Variants in CACNG2 observed in about 807,000 individuals in gnomAD.
CACNG2 encodes the protein voltage-dependent calcium channel gamma-2 subunit.
In CACNG2, 3 loss-of-function variants were observed where a neutral mutation model predicts 25.9. That is an observed-to-expected ratio of 0.12 (90% CI 0.05 to 0.30). The LOEUF is 0.30. CACNG2 is among the 10% of genes least tolerant of loss of function. The probability of loss-of-function intolerance (pLI) is 1.00; values close to 1 mark genes in which losing one functional copy is unlikely to be tolerated. For missense variants in CACNG2, 341 were observed against 432.5 expected (o/e 0.79, Z 1.88); for synonymous variants, 167 against 173.3 (o/e 0.96, Z 0.29).
rs1937438365 is a variant in CACNG2 at position 36,703,361 on chromosome 22, G to A, written c.-785C>T. 1.3e-5 allele frequency: 2 copies of A among 153,152 alleles called. No homozygotes were observed. Among genetic ancestry groups the A allele is most frequent in the South Asian group, 3.6e-4 (2 of 5,624 alleles). The allele number at this position is 153,152 out of a possible 1,614,324, so 9.5% of individuals were successfully genotyped here. A position where few individuals can be genotyped will look rare whatever the true frequency, so the allele number is the denominator to read the frequency against. ...GGGGTAGTGTTGGCGAAGTGGGGGA[G>A]AGAGGGGGTTTCTCCTGGAGAATCG... On this transcript the variant is annotated 5_prime_UTR_variant, in exon 1 of 4. Transcript: ENST00000300105.
At chr22:36,636,050 G>A (rs1292056778) in intron 1 of CACNG2, among the ~76,000 whole-genome samples, 4 of 152,026 alleles carry the variant, frequency 2.6e-5, no homozygotes, top group Admixed American at 1.3e-4. Flanking sequence ...CAGGCAGTTC[G>A]AGATCAAATC....
intron 1 of CACNG2, among the ~76,000 whole-genome samples, chr22:36,617,731 A>G (rs1013575670): frequency 1.3e-5 from 2 of 150,486 alleles, no homozygotes; most frequent in Non-Finnish European, 2.9e-5. Context: ...CAGACAGCCC[A>G]ATGACTGAAC....
At chr22:36,692,132 G>A (rs1315923807) in intron 1 of CACNG2, among the ~76,000 whole-genome samples, 1 of 152,196 alleles carries the variant, frequency 6.6e-6, no homozygotes, top group Non-Finnish European at 1.5e-5. Flanking sequence ...TTTGCCTGGT[G>A]CAAGGTCAGA....
In CACNG2 at chr22:36,606,945, G is replaced by T. The variant is rs901679576; in HGVS notation, c.212-19397C>A. Among the ~76,000 whole-genome samples, 19 of 151,400 alleles carry T rather than the reference G, an allele frequency of 1.3e-4. No individual in the cohort carries two copies. Among genetic ancestry groups the T allele is most frequent in the Admixed American group, 6.6e-4 (10 of 15,172 alleles). On this transcript the variant is annotated intron_variant, in intron 1 of 3. Transcript: ENST00000300105. The surrounding 1 kb of genome is among the most constrained non-coding windows in gnomAD (Gnocchi z 5.7). ...GTATATGTGTGTATGTGTTTATATG[G>T]GTGTGTGTAGGTATTATGTGTATGT...
At chr22:36,576,916 A>G (rs187758560) in intron 2 of CACNG2, among the ~76,000 whole-genome samples, 2 of 152,340 alleles carry the variant, frequency 1.3e-5, no homozygotes, top group African/African-American at 4.8e-5. Flanking sequence ...ATAATAGCAC[A>G]TGAAAAGCAT....
intron 1 of CACNG2, among the ~76,000 whole-genome samples, chr22:36,698,583 A>C (rs1197632539): frequency 1.3e-5 from 2 of 152,066 alleles, no homozygotes; most frequent in African/African-American, 2.4e-5. Flanking sequence ...TGAGAGAGAC[A>C]CTTCTTGCTC....
chr22:36,601,618 C>T (rs947635963), intron 1 of CACNG2, among the ~76,000 whole-genome samples: 1 of 152,188 alleles, frequency 6.6e-6, no homozygotes, highest in Non-Finnish European at 1.5e-5. Context: ...TTCAGGCTCC[C>T]AAATTACAGG....
chr22:36,614,149 G>A (rs1001297830), intron 1 of CACNG2, among the ~76,000 whole-genome samples: 1 of 152,246 alleles, frequency 6.6e-6, no homozygotes, highest in African/African-American at 2.4e-5. Flanking sequence ...GGTCAACAGG[G>A]TCCACCACAA....
rs1023763061 is a variant in CACNG2 at position 36,564,650 on chromosome 22, G to A, written c.673C>T (p.Arg225Cys). The A allele has an allele frequency of 1.9e-6, 3 of 1,613,788 alleles. No homozygotes were observed. Among genetic ancestry groups the A allele is most frequent in the South Asian group, 1.1e-5 (1 of 91,078 alleles). Residue 225 changes from arginine (R) to cysteine (C), a missense_variant, in exon 4 of 4, where the codon CGC becomes TGC. Arg to Cys is a radical substitution (Grantham distance 180). Transcript: ENST00000300105. The surrounding 1 kb of genome is among the most constrained non-coding windows in gnomAD (Gnocchi z 6.7). The part of the protein sequence containing the change: ...TDYLQASAIT[R>C]IPSYRYRYQR... ...TAGCGGTAGCGGTAGCTGGGGATGC[G>A]GGTGATGGCAGAGGCCTGGAGGTAG...
intron 1 of CACNG2, among the ~76,000 whole-genome samples, chr22:36,671,078 C>A (rs1050147761): frequency 2.6e-5 from 4 of 152,046 alleles, no homozygotes; most frequent in African/African-American, 7.2e-5. Context: ...ACCACCACAC[C>A]CAGCTAATTT....
intron 1 of CACNG2, among the ~76,000 whole-genome samples, chr22:36,647,201 T>G (rs891830401): frequency 6.6e-6 from 1 of 152,186 alleles, no homozygotes; most frequent in Non-Finnish European, 1.5e-5. Flanking sequence ...GCCATTGTCA[T>G]CTCTCATCTG....
At chr22:36,582,869 G>A (rs1421227577) in intron 2 of CACNG2, among the ~76,000 whole-genome samples, 1 of 151,940 alleles carries the variant, frequency 6.6e-6, no homozygotes. Context: ...CATAACCTCA[G>A]TACCTCAAAG....
At chr22:36,617,370 G>T (rs946343330) in intron 1 of CACNG2, among the ~76,000 whole-genome samples, 1 of 152,072 alleles carries the variant, frequency 6.6e-6, no homozygotes, top group Non-Finnish European at 1.5e-5. Context: ...TAAAAGCATT[G>T]TATCAGTCAT....
chr22:36,637,440 T>C lies in CACNG2; in HGVS notation c.212-49892A>G, dbSNP rs575023730. On this transcript the variant is annotated intron_variant, in intron 1 of 3. Transcript: ENST00000300105. ...CATTTTCTCTTTGGCATGGAGTATA[T>C]GGGGATTCATTTTCTTTAAAAATGT... Among the ~76,000 whole-genome samples the C allele has an allele frequency of 2.6e-5, 4 of 152,162 alleles. No homozygotes were observed. In the East Asian group the frequency reaches 7.7e-4, roughly 29 times the overall value.
At position 36,691,442 on chromosome 22, in the gene CACNG2, C is replaced by G. The variant is rs574517232; in HGVS notation, c.211+10924G>C. On this transcript the variant is annotated intron_variant, in intron 1 of 3. Coordinates refer to ENST00000300105, the MANE Select transcript of CACNG2 (RefSeq NM_006078.5). ...GGCAGTCCCTTCACTATTCCCCCACCCTGCCCTGGATAAGCTCAAAATGCT... is the reference window on the plus strand; with the variant it reads ...GGCAGTCCCTTCACTATTCCCCCACGCTGCCCTGGATAAGCTCAAAATGCT... Among the ~76,000 whole-genome samples, 8 of 152,252 alleles carry G rather than the reference C, an allele frequency of 5.3e-5. No homozygotes were observed. The South Asian group carries it at 1.5e-3, about 28-fold the overall frequency.
intron 1 of CACNG2, among the ~76,000 whole-genome samples, chr22:36,647,506 G>A (rs1207885853): frequency 6.6e-6 from 1 of 152,024 alleles, no homozygotes; most frequent in Non-Finnish European, 1.5e-5. Flanking sequence ...TGAGGCAGGA[G>A]AATCACTTGA....
At chr22:36,569,297 G>A (rs1214786492) in intron 2 of CACNG2, among the ~76,000 whole-genome samples, 1 of 152,130 alleles carries the variant, frequency 6.6e-6, no homozygotes, top group Non-Finnish European at 1.5e-5. Flanking sequence ...TTCAGAGAGA[G>A]AAACTCCCCT....
intron 1 of CACNG2, among the ~76,000 whole-genome samples, chr22:36,696,723 G>A (rs1481516204): frequency 2.0e-5 from 3 of 152,200 alleles, no homozygotes; most frequent in Non-Finnish European, 2.9e-5. Context: ...CAGCAAAGGG[G>A]GATGGATGAG....
At chr22:36,690,330 G>C (rs974892791) in intron 1 of CACNG2, among the ~76,000 whole-genome samples, 7 of 151,462 alleles carry the variant, frequency 4.6e-5, no homozygotes, top group African/African-American at 1.7e-4. Flanking sequence ...GCCAAGCAGG[G>C]ATAGGGCCCA....
Sources: gnomAD v4.1 joint callset for allele counts (sites outside exome capture counted in the v4.1 genomes callset) on GRCh38, gnomAD v4.1.1 for gene constraint, Gnocchi (gnomAD v3.1) non-coding constraint, MANE v1.5 for transcripts, NCBI Gene and HGNC (gene_info 2026-07-23, HGNC 2026-07-21) for gene names.